The following CFAP100 variants were observed in gnomAD, a reference collection of about 807,000 sequenced individuals.
CFAP100 encodes cilia- and flagella-associated protein 100.
A neutral mutation model predicts 81.5 loss-of-function variants in CFAP100; 70 were observed. That is an observed-to-expected ratio of 0.86 (90% CI 0.71 to 1.05). The LOEUF (loss-of-function observed/expected upper bound fraction) is 1.05, where lower values mean the gene tolerates loss of function less well. Ranked by LOEUF, CFAP100 falls within the 50% of genes least tolerant of loss-of-function variation. The pLI is 0.00. For missense variants in CFAP100, 811 were observed against 776.5 expected, an observed-to-expected ratio of 1.04 and a Z score of -0.53; for synonymous variants, 341 against 314.8, an observed-to-expected ratio of 1.08 and a Z score of -0.88.
intron 13 of CFAP100, among the ~76,000 whole-genome samples, chr3:126,432,003 G>C (rs909136769): frequency 6.6e-6 from 1 of 152,098 alleles, no homozygotes; most frequent in Non-Finnish European, 1.5e-5. Flanking sequence ...TGTTGAGGCC[G>C]GGCGCAGTGG....
At chr3:126,425,875 T>C (rs2083396383) in intron 13 of CFAP100, among the ~76,000 whole-genome samples, 4 of 152,154 alleles carry the variant, frequency 2.6e-5, no homozygotes, top group Admixed American at 2.6e-4. Flanking sequence ...ATAAAAGCTT[T>C]CAGAAAATGT....
chr3:126,397,305 T>C (rs2082904490), intron 2 of CFAP100, among the ~76,000 whole-genome samples: 1 of 152,222 alleles, frequency 6.6e-6, no homozygotes. Flanking sequence ...CTATAAACAG[T>C]GACCCCCACC....
intron 2 of CFAP100, among the ~76,000 whole-genome samples, chr3:126,404,950 T>C (rs982685183): frequency 1.3e-5 from 2 of 152,218 alleles, no homozygotes; most frequent in Non-Finnish European, 1.5e-5. Flanking sequence ...ATTACAGGCG[T>C]GAGCCACCAC....
rs1431570064 is a variant in CFAP100, at chr3:126,423,537, C to A, written c.1179C>A (p.Val393=). 5.0e-6 allele frequency: 8 copies of A among 1,614,080 alleles called. No homozygotes were observed. The highest frequency in any genetic ancestry group is 6.8e-6 in the Non-Finnish European group (8 of 1,180,038). ...YFTEPQQLLD[V]FRELEEQNLS... The stretch of plus-strand genomic sequence containing the variant: ...CGGAGCCCCAGCAGCTCCTGGATGT[C>A]TTCCGAGAGCTGGAGGAGCAGAACC... The change falls in exon 13 of 17, where the codon GTC becomes GTA. Residue 393 remains valine, a synonymous_variant. Transcript: ENST00000352312.
chr3:126,418,020 GCCTCTGCCCAGTT>G, intron 5 of CFAP100: 8 of 183,514 alleles, frequency 4.4e-5, no homozygotes, highest in East Asian at 1.6e-4. Context: ...TGTAGACTCA[GCCTCTGCCCAGTT>G]TGCTCGGGGG....
chr3:126,436,312 C>T lies in CFAP100; in HGVS notation c.1744C>T (p.Arg582Cys), dbSNP rs111300449. Residue 582 changes from arginine to cysteine, a missense_variant, in exon 17 of 17, where the codon CGC becomes TGC. By Grantham distance (180) the Arg-to-Cys change is radical. Transcript: ENST00000352312. Reference protein sequence around the residue: ...KKKRGRTLVCRSRPPAHRIKQ... With the variant: ...KKKRGRTLVCCSRPPAHRIKQ... ...GCAGAGAGGCAGGACACTGGTATGCCGCTCACGACCCCCAGCCCACAGGAT... is the reference window on the plus strand; with the variant it reads ...GCAGAGAGGCAGGACACTGGTATGCTGCTCACGACCCCCAGCCCACAGGAT... 5 of 1,613,674 alleles carry T rather than the reference C, an allele frequency of 3.1e-6. No homozygotes were observed. The highest frequency in any genetic ancestry group is 1.7e-5 in the Admixed American group (1 of 59,982).
intron 13 of CFAP100, among the ~76,000 whole-genome samples, chr3:126,424,840 A>C (rs2083385264): frequency 6.6e-6 from 1 of 152,180 alleles, no homozygotes; most frequent in African/African-American, 2.4e-5. Context: ...GGTGTCAGGA[A>C]ACTTCCTGAG....
chr3:126,419,539 A>G, intron 8 of CFAP100, 98 bp from the exon 9 acceptor site: 1 of 1,105,526 alleles, frequency 9.0e-7, no homozygotes, highest in South Asian at 1.5e-5. Context: ...GAGCCCACAC[A>G]GACTTGGCCA....
chr3:126,401,670 G>A (rs888517363), intron 2 of CFAP100, among the ~76,000 whole-genome samples: 65 of 151,440 alleles, frequency 4.3e-4, no homozygotes, highest in Admixed American at 9.8e-4. Flanking sequence ...AGAGTGTCTC[G>A]GGAGAGGGAG....
intron 11 of CFAP100, chr3:126,420,898 G>C (rs2083321356): frequency 6.6e-6 from 1 of 152,238 alleles, no homozygotes; most frequent in South Asian, 2.1e-4. Flanking sequence ...TGGATTATTG[G>C]CCTGGTTCTT....
chr3:126,410,259 C>A (rs1422400948), intron 3 of CFAP100, among the ~76,000 whole-genome samples: 1 of 152,152 alleles, frequency 6.6e-6, no homozygotes, highest in Non-Finnish European at 1.5e-5. Flanking sequence ...ATCGTTTCTT[C>A]ATTATGGCTT....
chr3:126,435,985 TG>T (rs375136462), intron 16 of CFAP100, among the ~76,000 whole-genome samples: 13 of 152,134 alleles, frequency 8.5e-5, no homozygotes, highest in African/African-American at 2.4e-4. Context: ...TGCCCGTCAC[TG>T]GGGTCCCCCT....
At chr3:126,425,134 A>C (rs1419444437) in intron 13 of CFAP100, among the ~76,000 whole-genome samples, 1 of 152,244 alleles carries the variant, frequency 6.6e-6, no homozygotes, top group African/African-American at 2.4e-5. Flanking sequence ...AGCTTTCCAG[A>C]TAATTGGGCA....
intron 2 of CFAP100, among the ~76,000 whole-genome samples, chr3:126,401,198 G>C (rs1350570811): frequency 6.6e-6 from 1 of 151,676 alleles, no homozygotes; most frequent in Non-Finnish European, 1.5e-5. Context: ...ATGGGGAGTT[G>C]TTTAATGCAC....
At chr3:126,401,457 G>A (rs2107584864) in intron 2 of CFAP100, among the ~76,000 whole-genome samples, 1 of 124,116 alleles carries the variant, frequency 8.1e-6, no homozygotes, top group African/African-American at 3.0e-5. Context: ...TTATGTTACT[G>A]CAATCAAAAA....
chr3:126,434,218 TACCGGCACTGC>T lies in CFAP100; in HGVS notation c.1474_1484del (p.Cys492ProfsTer16). The T allele has an allele frequency of 2.5e-6, 4 of 1,613,794 alleles. No homozygotes were observed. Among genetic ancestry groups the T allele is most frequent in the African/African-American group, 1.3e-5 (1 of 75,034 alleles). The stretch of plus-strand genomic sequence containing the variant: ...CCTGAACTGCAAGGTGCTGGATGTG[TACCGGCACTGC>T]ACCGGCACCCAGCAGGAGGCCAACC... On this transcript the variant is annotated frameshift_variant, in exon 15 of 17. Transcript: ENST00000352312. LOFTEE classifies it high-confidence loss of function.
chr3:126,414,358 C>T (rs769091480), intron 4 of CFAP100, 179 bp downstream of exon 4: 4 of 700,878 alleles, frequency 5.7e-6, no homozygotes, highest in Non-Finnish European at 1.0e-5. Context: ...GCTCTCAGGA[C>T]TCACAGCATC....
chr3:126,411,159 T>C (rs892656080), intron 3 of CFAP100, among the ~76,000 whole-genome samples: 3 of 152,332 alleles, frequency 2.0e-5, no homozygotes, highest in Non-Finnish European at 4.4e-5. Flanking sequence ...TGGTTTTTGT[T>C]TTAATTCTGC....
At chr3:126,397,113 C>G (rs1259786042) in intron 2 of CFAP100, among the ~76,000 whole-genome samples, 1 of 152,156 alleles carries the variant, frequency 6.6e-6, no homozygotes, top group African/African-American at 2.4e-5. Context: ...ACCCTGTCTG[C>G]ACCTTGATTT....
Sources: gnomAD v4.1 joint callset for allele counts (sites outside exome capture counted in the v4.1 genomes callset) on GRCh38, gnomAD v4.1.1 for gene constraint, MANE v1.5 for transcripts, NCBI Gene and HGNC (gene_info 2026-07-23, HGNC 2026-07-21) for gene names.